Variants in CAST observed in about 807,000 individuals in gnomAD.
The protein encoded by CAST is calpastatin, also known as MIR583 host.
Under a neutral mutation model 119.6 loss-of-function variants are expected in CAST, and 76 were observed. That is an observed-to-expected ratio of 0.64 (90% CI 0.53 to 0.77). The LOEUF is 0.77. CAST is among the 30% of genes least tolerant of loss of function. The probability of loss-of-function intolerance (pLI) is 0.00; values close to 1 mark genes in which losing one functional copy is unlikely to be tolerated. For synonymous variants in CAST, 319 were observed against 331.6 expected, an observed-to-expected ratio of 0.96 and a Z score of 0.41; for missense variants, 953 against 946.5, an observed-to-expected ratio of 1.01 and a Z score of -0.09.
chr5:96,567,760 G>T (rs1364765176), intron 1 of CAST, among the ~76,000 whole-genome samples: 1 of 152,160 alleles, frequency 6.6e-6, no homozygotes, highest in Non-Finnish European at 1.5e-5. Flanking sequence ...GGAACATTCG[G>T]CCAGGAGAGA....
At chr5:96,370,688 G>T in the CAST span, among the ~76,000 whole-genome samples, 3 of 152,200 alleles carry the variant, frequency 2.0e-5, no homozygotes, top group Admixed American at 6.5e-5. Flanking sequence ...AGTTTGGATT[G>T]TAAGTGCCTA....
At chr5:96,696,788 C>G (rs185583342) in intron 3 of CAST, among the ~76,000 whole-genome samples, 1 of 151,378 alleles carries the variant, frequency 6.6e-6, no homozygotes, top group Non-Finnish European at 1.5e-5. Flanking sequence ...TCTGGGAGGT[C>G]GAGGCTGCAG....
At chr5:96,015,269 A>G in the CAST span, among the ~76,000 whole-genome samples, 1 of 152,102 alleles carries the variant, frequency 6.6e-6, no homozygotes, top group Non-Finnish European at 1.5e-5. Flanking sequence ...AAATCCATAA[A>G]TTCTATTATA....
the CAST span, among the ~76,000 whole-genome samples, chr5:96,379,315 A>G: frequency 1.3e-5 from 2 of 152,208 alleles, no homozygotes; most frequent in African/African-American, 4.8e-5. Context: ...GCCCTCATCT[A>G]GATTCATTTG....
the CAST span, among the ~76,000 whole-genome samples, chr5:96,223,989 A>G: frequency 6.6e-6 from 1 of 152,212 alleles, no homozygotes; most frequent in Admixed American, 6.5e-5. Flanking sequence ...GGCAGAGTGG[A>G]TCCTATAGAA....
the CAST span, among the ~76,000 whole-genome samples, chr5:96,252,674 G>T: frequency 6.6e-6 from 1 of 152,110 alleles, no homozygotes; most frequent in Non-Finnish European, 1.5e-5. Flanking sequence ...TTTAATGAAT[G>T]AATTATTTAT....
the CAST span, among the ~76,000 whole-genome samples, chr5:96,221,655 G>A: frequency 6.0e-3 from 909 of 152,064 alleles, 11 homozygotes; most frequent in African/African-American, 0.021. Context: ...GACTAGAAGA[G>A]TCAATATCAT....
the CAST span, among the ~76,000 whole-genome samples, chr5:96,445,312 G>A: frequency 6.6e-6 from 1 of 152,078 alleles, no homozygotes; most frequent in African/African-American, 2.4e-5. Context: ...TGTACCTGTG[G>A]TCCCAGCTAC....
chr5:96,108,729 C>T, the CAST span, among the ~76,000 whole-genome samples: 1 of 152,246 alleles, frequency 6.6e-6, no homozygotes, highest in African/African-American at 2.4e-5. Context: ...AGGCAGGCCT[C>T]CTTGAGCTGT....
chr5:96,481,180 C>T, the CAST span, among the ~76,000 whole-genome samples: 1 of 151,662 alleles, frequency 6.6e-6, no homozygotes, highest in Non-Finnish European at 1.5e-5. Flanking sequence ...ATAGCATTGT[C>T]CTGTGTCCAC....
At chr5:96,173,885 G>A in the CAST span, among the ~76,000 whole-genome samples, 1 of 151,840 alleles carries the variant, frequency 6.6e-6, no homozygotes, top group Non-Finnish European at 1.5e-5. Context: ...GGACTAGGTG[G>A]CGCCCGCCAC....
At chr5:96,331,149 TTAAGAAACCTTGAC>T in the CAST span, among the ~76,000 whole-genome samples, 1 of 152,210 alleles carries the variant, frequency 6.6e-6, no homozygotes, top group Non-Finnish European at 1.5e-5. Flanking sequence ...GGACTACAGG[TTAAGAAACCTTGAC>T]TCAGGAGTCC....
At chr5:96,266,598 A>G in the CAST span, among the ~76,000 whole-genome samples, 1 of 152,186 alleles carries the variant, frequency 6.6e-6, no homozygotes, top group African/African-American at 2.4e-5. Flanking sequence ...CCTGGGCTTG[A>G]GGCACTATCT....
At chr5:96,164,817 C>G in the CAST span, among the ~76,000 whole-genome samples, 1 of 152,034 alleles carries the variant, frequency 6.6e-6, no homozygotes, top group Non-Finnish European at 1.5e-5. Flanking sequence ...CTAATATTTT[C>G]CTTTTCTTCT....
At chr5:96,656,411 G>T (rs1056952699) in intron 1 of CAST, among the ~76,000 whole-genome samples, 3 of 152,172 alleles carry the variant, frequency 2.0e-5, no homozygotes, top group Non-Finnish European at 4.4e-5. Flanking sequence ...CCTCACTAGA[G>T]AGTGCAGCTC....
the CAST span, chr5:96,210,279 T>C: frequency 6.6e-6 from 1 of 152,042 alleles, no homozygotes; most frequent in African/African-American, 2.4e-5. Context: ...TCATCCAATT[T>C]TTTTCTAACA....
rs139938471 is a variant in CAST at position 96,713,746 on chromosome 5, G to T, written c.211-8893G>T. On this transcript the variant is annotated intron_variant, in intron 3 of 31. Coordinates refer to ENST00000675179, the MANE Select transcript of CAST (RefSeq NM_001750.7). Reference sequence around the variant, plus strand: ...CCCAGCACTTCGGGGAGGCTGAGGTGGGTGGATCACCTGAGGTCAGGAGTT... The same window carrying T: ...CCCAGCACTTCGGGGAGGCTGAGGTTGGTGGATCACCTGAGGTCAGGAGTT... Among the ~76,000 whole-genome samples the T allele has an allele frequency of 6.5e-3, 982 of 152,170 alleles. 15 individuals are homozygous for T. Among genetic ancestry groups the T allele is most frequent in the African/African-American group, 0.023 (950 of 41,512 alleles).
the CAST span, among the ~76,000 whole-genome samples, chr5:96,287,448 A>G: frequency 1.3e-5 from 2 of 152,144 alleles, no homozygotes. Context: ...TTTCACATTC[A>G]AGTAACCCTT....
chr5:96,131,532 A>C, the CAST span, among the ~76,000 whole-genome samples: 1 of 152,202 alleles, frequency 6.6e-6, no homozygotes. Context: ...AATAAATGGC[A>C]GAGCTGCAGC....
Sources: gnomAD v4.1 joint callset for allele counts (sites outside exome capture counted in the v4.1 genomes callset) on GRCh38, gnomAD v4.1.1 for gene constraint, MANE v1.5 for transcripts, NCBI Gene and HGNC (gene_info 2026-07-23, HGNC 2026-07-21) for gene names.